Variants in AGBL3 observed in about 807,000 individuals in gnomAD.
The protein encoded by AGBL3 is cytosolic carboxypeptidase 3.
AGBL3 carries 68 observed loss-of-function variants against 94.5 expected under a neutral mutation model. The ratio of observed to expected loss-of-function variants is 0.72; its 90% CI spans 0.59 to 0.88. The LOEUF is 0.88. Among genes scored for constraint, AGBL3 ranks in the 40% least tolerant of loss-of-function variants. AGBL3 has a pLI of 0.00. For missense variants in AGBL3, 934 were observed against 1,103.8 expected, an observed-to-expected ratio of 0.85 and a Z score of 2.18; for synonymous variants, 354 against 370.7, an observed-to-expected ratio of 0.95 and a Z score of 0.52.
At chr7:135,128,380 A>G in intron 16 of AGBL3, 1 of 455,514 alleles carries the variant, frequency 2.2e-6, no homozygotes, top group East Asian at 4.8e-5. Context: ...GTGGGAGTGT[A>G]GCAGTGAGGA....
At chr7:135,066,812 G>A (rs915640033) in intron 12 of AGBL3, among the ~76,000 whole-genome samples, 19 of 152,194 alleles carry the variant, frequency 1.2e-4, no homozygotes, top group Admixed American at 1.2e-3. Flanking sequence ...CAGTGTGAGC[G>A]ACGCAGAAGA....
At position 135,034,637 on chromosome 7, in the gene AGBL3, C is replaced by T. The variant is rs1197187889; in HGVS notation, c.1046C>T (p.Ser349Phe). The change falls in exon 7 of 17, where the codon TCT (serine) becomes TTT (phenylalanine). Residue 349 changes from serine (S) to phenylalanine (F), a missense_variant. Ser to Phe is a radical substitution (Grantham distance 155). Transcript: ENST00000436302. Reference protein sequence around the residue: ...ILTITTPLKNSDSRKRKAVIL... With the variant: ...ILTITTPLKNFDSRKRKAVIL... ...ACAATCACTACCCCCTTGAAGAACTCTGACTCAAGAAAGCGGAAGGCTGTG... is the reference window on the plus strand; with the variant it reads ...ACAATCACTACCCCCTTGAAGAACTTTGACTCAAGAAAGCGGAAGGCTGTG... The T allele has an allele frequency of 3.2e-6, 5 of 1,551,566 alleles. No homozygotes were observed. The African/African-American group carries it at 5.5e-5, about 17-fold the overall frequency.
Position 135,114,489 on chromosome 7 carries a change from AG to A in AGBL3, c.2111-888del, listed in dbSNP as rs1162686382. Among the ~76,000 whole-genome samples the A allele has an allele frequency of 7.8e-5, 10 of 128,446 alleles. No individual in the cohort carries two copies. The South Asian group carries it at 2.2e-3, about 29-fold the overall frequency. 84.3% of individuals were successfully genotyped at this position (128,446 alleles called of 152,430 possible). ...ATTCCTTTGTATCATCTAATAAAGA[AG>A]GGATTTCTAACATGCTCTTCCCAGT... On this transcript the variant is annotated intron_variant, in intron 15 of 16. Transcript: ENST00000436302.
intron 16 of AGBL3, among the ~76,000 whole-genome samples, chr7:135,122,979 G>A (rs7809906): frequency 0.48 from 73,322 of 151,998 alleles, 18,059 homozygotes; most frequent in South Asian, 0.66. Context: ...AGGCCAGAGT[G>A]CCTCCTCTCC....
In AGBL3 at chr7:134,996,905, A is replaced by G. The variant is rs376368882; in HGVS notation, c.310+3227A>G. Among the ~76,000 whole-genome samples the G allele has an allele frequency of 5.9e-5, 9 of 152,282 alleles. No individual in the cohort carries two copies. In the East Asian group the frequency reaches 1.7e-3, roughly 29 times the overall value. The stretch of plus-strand genomic sequence containing the variant: ...TCCTCAAGACAACTCATATTCAATA[A>G]TTTGCTACAAAGACTTGCAGAATTC... On this transcript the variant is annotated intron_variant, in intron 4 of 16. Coordinates refer to ENST00000436302, the MANE Select transcript of AGBL3 (RefSeq NM_178563.4).
intron 15 of AGBL3, among the ~76,000 whole-genome samples, chr7:135,095,023 T>A (rs1322994699): frequency 1.3e-5 from 2 of 152,156 alleles, no homozygotes; most frequent in East Asian, 3.8e-4. Context: ...CATCAGCAGT[T>A]CAACATGGAG....
chr7:135,109,884 G>A lies in AGBL3; in HGVS notation c.2111-5496G>A, dbSNP rs549801440. 5.3e-5 allele frequency among the ~76,000 whole-genome samples: 8 copies of A among 152,318 alleles called. No homozygotes were observed. In the East Asian group the frequency reaches 9.6e-4, roughly 18 times the overall value. ...CAAAGACGGTGGCCCATCCTTTCTC[G>A]TGGAAGCTCTATACCAGGGAGGCTC... On this transcript the variant is annotated intron_variant, in intron 15 of 16. Transcript: ENST00000436302.
chr7:135,112,496 C>T (rs1825784664), intron 15 of AGBL3, among the ~76,000 whole-genome samples: 1 of 152,154 alleles, frequency 6.6e-6, no homozygotes. Context: ...CTGAATGTGC[C>T]ATGTTAGTCC....
intron 5 of AGBL3, among the ~76,000 whole-genome samples, chr7:135,028,029 T>C (rs78166362): frequency 0.014 from 2,112 of 151,814 alleles, 49 homozygotes; most frequent in African/African-American, 0.048. Flanking sequence ...AATAGCATCA[T>C]GTCTAAAAAC....
intron 5 of AGBL3, among the ~76,000 whole-genome samples, chr7:135,022,930 CTTCA>C (rs905364152): frequency 2.6e-5 from 4 of 151,894 alleles, no homozygotes; most frequent in African/African-American, 9.7e-5. Flanking sequence ...CTTTGTCTGC[CTTCA>C]TTGACATTAA....
intron 7 of AGBL3, among the ~76,000 whole-genome samples, chr7:135,037,041 T>A (rs527893150): frequency 6.6e-6 from 1 of 152,186 alleles, no homozygotes; most frequent in South Asian, 2.1e-4. Context: ...TGCCTCAGCC[T>A]CCCAAGCAGC....
At chr7:135,057,283 C>G (rs554605567) in intron 11 of AGBL3, among the ~76,000 whole-genome samples, 1 of 151,828 alleles carries the variant, frequency 6.6e-6, no homozygotes, top group African/African-American at 2.4e-5. Flanking sequence ...ATGTAAAATA[C>G]AAAACTATAA....
At chr7:135,049,057 T>A (rs1817638734) in intron 11 of AGBL3, among the ~76,000 whole-genome samples, 1 of 151,896 alleles carries the variant, frequency 6.6e-6, no homozygotes. Context: ...TACCTTTAAG[T>A]ATGCTGTTAG....
intron 15 of AGBL3, chr7:135,092,342 C>T (rs1446202231): frequency 6.6e-6 from 1 of 152,152 alleles, no homozygotes; most frequent in Non-Finnish European, 1.5e-5. Context: ...AATATAGCTA[C>T]ATAAAATTTT....
chr7:135,057,845 T>C (rs1425453583), intron 11 of AGBL3, among the ~76,000 whole-genome samples: 3 of 152,188 alleles, frequency 2.0e-5, no homozygotes, highest in Non-Finnish European at 4.4e-5. Flanking sequence ...TAATTTATAT[T>C]ACTAAGTGGA....
At chr7:135,100,775 A>G (rs112616612) in intron 15 of AGBL3, among the ~76,000 whole-genome samples, 23 of 152,342 alleles carry the variant, frequency 1.5e-4, no homozygotes, top group African/African-American at 5.3e-4. Context: ...ATATCAAGAC[A>G]AAAGAAGGTA....
Position 135,037,550 on chromosome 7 carries a change from A to G in AGBL3, c.1470A>G (p.Pro490=). The G allele has an allele frequency of 6.5e-7, 1 of 1,540,832 alleles. No individual in the cohort carries two copies. Among genetic ancestry groups the G allele is most frequent in the Non-Finnish European group, 8.8e-7 (1 of 1,142,732 alleles). ...KTLYLQQRIF[P]LMLSKNCPDK... The stretch of plus-strand genomic sequence containing the variant: ...TATACTTACAGCAACGAATCTTCCC[A>G]CTTATGCTAAGCAAAAATTGTCCAG... The change falls in exon 8 of 17, where the codon CCA becomes CCG. Residue 490 remains proline, a synonymous_variant. Transcript: ENST00000436302.
chr7:135,066,653 A>T (rs11770399), intron 12 of AGBL3, among the ~76,000 whole-genome samples: 73,774 of 152,056 alleles, frequency 0.49, 18,263 homozygotes, highest in South Asian at 0.66. Flanking sequence ...TGCTAAAGAG[A>T]TATTAGCATT....
At chr7:135,094,076 A>G in intron 15 of AGBL3, 1 of 278,128 alleles carries the variant, frequency 3.6e-6, no homozygotes, top group Non-Finnish European at 7.0e-6. Flanking sequence ...CGTGTTCCTT[A>G]TACCATACAC....
Sources: gnomAD v4.1 joint callset for allele counts (sites outside exome capture counted in the v4.1 genomes callset) on GRCh38, gnomAD v4.1.1 for gene constraint, MANE v1.5 for transcripts, NCBI Gene and HGNC (gene_info 2026-07-23, HGNC 2026-07-21) for gene names.